MTHFD1: variants seen among roughly 807,000 people sequenced by gnomAD.
MTHFD1 encodes C-1-tetrahydrofolate synthase, cytoplasmic.
In MTHFD1, 44 loss-of-function variants were observed where a neutral mutation model predicts 110.3. That is an observed-to-expected ratio of 0.40 (90% CI 0.31 to 0.51). MTHFD1 has a LOEUF of 0.51. Among genes scored for constraint, MTHFD1 ranks in the 20% least tolerant of loss-of-function variants. The pLI, the probability that MTHFD1 is intolerant of heterozygous loss-of-function variation, is 0.60. For missense variants in MTHFD1, 909 were observed against 1,173.1 expected (o/e 0.77, Z 3.29); for synonymous variants, 402 against 428.8 (o/e 0.94, Z 0.77).
At chr14:64,396,558 A>ATTTT (rs71123843) in intron 1 of MTHFD1, among the ~76,000 whole-genome samples, 2 of 126,804 alleles carry the variant, frequency 1.6e-5, no homozygotes, top group Admixed American at 8.2e-5. Flanking sequence ...CTCCCAGTTA[A>ATTTT]TTTTTTTTTT....
chr14:64,443,036 A>G (rs765146861), intron 21 of MTHFD1, among the ~76,000 whole-genome samples: 6 of 152,180 alleles, frequency 3.9e-5, no homozygotes, highest in Admixed American at 2.0e-4. Context: ...ATGAAAAGAC[A>G]TGGTGCTAGG....
At chr14:64,424,674 T>A in intron 8 of MTHFD1, 130 bp from the exon 9 acceptor site, 1 of 991,278 alleles carries the variant, frequency 1.0e-6, no homozygotes, top group East Asian at 2.5e-5. Context: ...ATTCCATAGC[T>A]TTTAAGTTAA....
At chr14:64,404,725 C>A (rs1451184040) in intron 2 of MTHFD1, among the ~76,000 whole-genome samples, 1 of 152,206 alleles carries the variant, frequency 6.6e-6, no homozygotes, top group South Asian at 2.1e-4. Context: ...AATCCCAGCA[C>A]TTTGGGAGGC....
chr14:64,452,901 T>C (rs1254662210), intron 24 of MTHFD1, among the ~76,000 whole-genome samples: 2 of 151,886 alleles, frequency 1.3e-5, no homozygotes, highest in Non-Finnish European at 2.9e-5. Flanking sequence ...TTTTATTTTT[T>C]AAAGAGACAG....
At chr14:64,430,332 C>G in intron 13 of MTHFD1, 102 bp downstream of exon 13, 2 of 1,139,768 alleles carry the variant, frequency 1.8e-6, no homozygotes, top group Non-Finnish European at 2.6e-6. Context: ...GAGTCTTGCT[C>G]TGTTGCCCAG....
chr14:64,406,923 T>G (rs918560933), intron 2 of MTHFD1, among the ~76,000 whole-genome samples: 5 of 152,208 alleles, frequency 3.3e-5, no homozygotes, highest in Admixed American at 2.6e-4. Context: ...TCAAAGATCT[T>G]GGGTAGCTTG....
At position 64,434,964 on chromosome 14, in the gene MTHFD1, T is replaced by C. The variant is rs549715843; in HGVS notation, c.1495-605T>C. ...TCCCTCTTTTCTTTTTTTTTTTTTT[T>C]TTTTTTTTTTTGAGATGGAGTCTCA... On this transcript the variant is annotated intron_variant, in intron 15 of 27. Coordinates refer to ENST00000652337, the MANE Select transcript of MTHFD1 (RefSeq NM_005956.4). Among the ~76,000 whole-genome samples the C allele has an allele frequency of 8.3e-3, 1,162 of 140,776 alleles. 20 individuals carry two copies. The highest frequency in any genetic ancestry group is 0.029 in the African/African-American group (1,104 of 37,846). The allele number at this position is 140,776 out of a possible 152,430, so 92.4% of individuals were successfully genotyped here.
chr14:64,426,534 G>C (rs182807885), intron 11 of MTHFD1, among the ~76,000 whole-genome samples: 1 of 151,826 alleles, frequency 6.6e-6, no homozygotes, highest in East Asian at 1.9e-4. Context: ...GCAGTGGCAC[G>C]ATCTCGGCTC....
At chr14:64,429,052 G>T (rs971222917) in intron 12 of MTHFD1, among the ~76,000 whole-genome samples, 1 of 151,462 alleles carries the variant, frequency 6.6e-6, no homozygotes, top group African/African-American at 2.4e-5. Context: ...CTCTGGGCTG[G>T]GTGCAGTGGC....
chr14:64,421,214 T>C (rs1309469249), intron 8 of MTHFD1, among the ~76,000 whole-genome samples: 2 of 152,170 alleles, frequency 1.3e-5, no homozygotes, highest in African/African-American at 2.4e-5. Context: ...TTTTGTTGCA[T>C]GTGTCTCATG....
chr14:64,430,989 G>T (rs1451793439), intron 13 of MTHFD1, among the ~76,000 whole-genome samples: 1 of 151,926 alleles, frequency 6.6e-6, no homozygotes, highest in Non-Finnish European at 1.5e-5. Flanking sequence ...ATCTCATTTT[G>T]GAAAAACTGC....
At chr14:64,393,592 G>A (rs890768332) in intron 1 of MTHFD1, among the ~76,000 whole-genome samples, 3 of 152,192 alleles carry the variant, frequency 2.0e-5, no homozygotes, top group Non-Finnish European at 2.9e-5. Flanking sequence ...AGGTTGCAGC[G>A]ATAGTGCAGC....
At chr14:64,396,517 G>C (rs1596529822) in intron 1 of MTHFD1, among the ~76,000 whole-genome samples, 1 of 148,928 alleles carries the variant, frequency 6.7e-6, no homozygotes, top group Non-Finnish European at 1.5e-5. Flanking sequence ...TCAGCCTCCC[G>C]AGTAGCTGGG....
chr14:64,453,337 C>T lies in MTHFD1; in HGVS notation c.2458-417C>T, dbSNP rs578146830. 5.9e-5 allele frequency among the ~76,000 whole-genome samples: 9 copies of T among 152,108 alleles called. No homozygotes were observed. The South Asian group carries it at 1.9e-3, about 32-fold the overall frequency. ...CTGTAATCCCAGCACTTTGGGAGGC[C>T]AAGGCTGGCAGATCACCTGAGGTTG... is the stretch of plus-strand genomic sequence containing the variant. On this transcript the variant is annotated intron_variant, in intron 24 of 27. Transcript: ENST00000652337.
In MTHFD1 at chr14:64,412,469, C is replaced by A. The variant is rs2077992242; in HGVS notation, c.187-3C>A. The A allele has an allele frequency of 3.1e-6, 5 of 1,610,840 alleles. No homozygotes were observed. The highest frequency in any genetic ancestry group is 4.2e-6 in the Non-Finnish European group (5 of 1,177,244). ...TTACCTGCTTTTAATGTCTGTTTTGCAGATTGGGATCAAAGCCACTCACAT... is the reference window on the plus strand; with the variant it reads ...TTACCTGCTTTTAATGTCTGTTTTGAAGATTGGGATCAAAGCCACTCACAT... On this transcript the variant is annotated splice_region_variant and splice_polypyrimidine_tract_variant and intron_variant, in intron 3 of 27. Coordinates refer to ENST00000652337, the MANE Select transcript of MTHFD1 (RefSeq NM_005956.4).
chr14:64,455,558 A>G (rs1183151885), intron 26 of MTHFD1, among the ~76,000 whole-genome samples: 1 of 152,204 alleles, frequency 6.6e-6, no homozygotes, highest in East Asian at 1.9e-4. Context: ...TCCTGAATCT[A>G]GGTTATCCCC....
rs763656033 is a variant in MTHFD1, at chr14:64,442,267, G to A, written c.2001G>A (p.Thr667=). The change falls in exon 21 of 28, where the codon ACG becomes ACA. Residue 667 remains threonine (T), a synonymous_variant. Coordinates refer to ENST00000652337, the MANE Select transcript of MTHFD1 (RefSeq NM_005956.4). ...CTGTTGCTTTCCTCTTTACAGTGACGGAAGCAGGATTTGGAGCAGACATTG... is the reference window on the plus strand; with the variant it reads ...CTGTTGCTTTCCTCTTTACAGTGACAGAAGCAGGATTTGGAGCAGACATTG... The part of the protein sequence containing the change: ...KLVGPEGFVV[T]EAGFGADIGM... The A allele has an allele frequency of 1.9e-5, 30 of 1,614,222 alleles. No homozygotes were observed. The highest frequency in any genetic ancestry group is 3.3e-5 in the Admixed American group (2 of 60,020).
chr14:64,457,330 C>G (rs2078491236), intron 26 of MTHFD1, among the ~76,000 whole-genome samples: 1 of 152,172 alleles, frequency 6.6e-6, no homozygotes, highest in African/African-American at 2.4e-5. Context: ...CCTCTACTCC[C>G]CAGCACTCAT....
intron 1 of MTHFD1, among the ~76,000 whole-genome samples, chr14:64,400,455 C>G (rs1394380428): frequency 6.6e-6 from 1 of 152,052 alleles, no homozygotes; most frequent in Non-Finnish European, 1.5e-5. Flanking sequence ...TTTGGGAGGC[C>G]GAGGTCCTAG....
Sources: allele counts gnomAD v4.1 joint callset (sites outside exome capture counted in the v4.1 genomes callset), GRCh38; gene constraint gnomAD v4.1.1; transcripts MANE v1.5; gene names NCBI Gene and HGNC (gene_info 2026-07-23, HGNC 2026-07-21).